ZMYND19: variants seen among roughly 807,000 people sequenced by gnomAD.
ZMYND19 encodes zinc finger MYND domain-containing protein 19.
In ZMYND19, 17 loss-of-function variants were observed where a neutral mutation model predicts 32.0. That is an observed-to-expected ratio of 0.53 (90% CI 0.36 to 0.80). ZMYND19 has a LOEUF of 0.80. Ranked by LOEUF, ZMYND19 falls within the 30% of genes least tolerant of loss-of-function variation. The pLI is 0.00. For synonymous variants in ZMYND19, 124 were observed against 113.6 expected (o/e 1.09, Z -0.58); for missense variants, 250 against 293.6 (o/e 0.85, Z 1.09).
In ZMYND19 at chr9:137,590,150, C is replaced by CCGGCCCCGGCCCT; in HGVS notation, c.51+62_51+63insAGGGCCGGGGCCG. The CCGGCCCCGGCCCT allele has an allele frequency of 2.0e-6, 2 of 993,810 alleles. No homozygotes were observed. Among genetic ancestry groups the CCGGCCCCGGCCCT allele is most frequent in the African/African-American group, 1.8e-5 (1 of 56,848 alleles). The allele number at this position is 993,810 out of a possible 1,614,324, so 61.6% of individuals were successfully genotyped here. Reference sequence around the variant, plus strand: ...CCGGCCGCCGCCCGCACAACCGCCCCCGGCCCCGCGCGGAGGCCTGGACGG... The same window carrying CCGGCCCCGGCCCT: ...CCGGCCGCCGCCCGCACAACCGCCCCCGGCCCCGGCCCTCGGCCCCGCGCGGAGGCCTGGACGG... On this transcript the variant is annotated intron_variant, in intron 1 of 5. Transcript: ENST00000298585. The surrounding 1 kb of genome is among the most constrained non-coding windows in gnomAD (Gnocchi z 4.2).
chr9:137,583,336 T>C (rs1169187696), intron 4 of ZMYND19, among the ~76,000 whole-genome samples, 173 bp from the exon 5 acceptor site: 1 of 151,704 alleles, frequency 6.6e-6, no homozygotes, highest in East Asian at 1.9e-4. Context: ...CAGTAAATAT[T>C]GTGTCTCATC....
chr9:137,583,270 C>A, intron 4 of ZMYND19, 107 bp from the exon 5 acceptor site: 1 of 1,290,706 alleles, frequency 7.7e-7, no homozygotes, highest in South Asian at 1.4e-5. Context: ...GGACACCCAG[C>A]CCGAGTTTGA....
intron 1 of ZMYND19, chr9:137,589,624 T>TGA (rs1269094431): frequency 1.0e-6 from 1 of 985,344 alleles, no homozygotes; most frequent in Non-Finnish European, 1.2e-6. Context: ...AGGAAGGCCC[T>TGA]GAGTCTGCAG....
At position 137,583,120 on chromosome 9, in the gene ZMYND19, C is replaced by G. The variant is rs759171181; in HGVS notation, c.403G>C (p.Asp135His). 4 of 1,614,094 alleles carry G rather than the reference C, an allele frequency of 2.5e-6. No homozygotes were observed. The highest frequency in any genetic ancestry group is 3.4e-6 in the Non-Finnish European group (4 of 1,180,012). Residue 135 changes from aspartate (D) to histidine (H), a missense_variant, in exon 5 of 6, where the codon GAC (aspartate) becomes CAC (histidine). Asp to His is a moderately conservative substitution (Grantham distance 81). This residue lies in a region of ZMYND19 where 212 missense variants were observed against 218.8 expected (regional missense o/e 0.97). Transcript: ENST00000298585. ...YWLAIQQLPTDPIEEQFPVLN... is the reference protein window; with the variant it reads ...YWLAIQQLPTHPIEEQFPVLN... ...ACAGGAAACTGTTCTTCTATAGGGTCTGTAGGCAGCTGCTGAATTGCAAGC... is the reference window on the plus strand; with the variant it reads ...ACAGGAAACTGTTCTTCTATAGGGTGTGTAGGCAGCTGCTGAATTGCAAGC...
chr9:137,585,093 C>T (rs1346641751), intron 4 of ZMYND19, among the ~76,000 whole-genome samples: 2 of 152,080 alleles, frequency 1.3e-5, no homozygotes, highest in Non-Finnish European at 2.9e-5. Flanking sequence ...AAGGACCGGG[C>T]GTGGTGGTGC....
intron 4 of ZMYND19, 92 bp downstream of exon 4, chr9:137,586,875 G>C (rs751761246): frequency 1.7e-5 from 26 of 1,543,712 alleles, no homozygotes; most frequent in Non-Finnish European, 2.2e-5. Flanking sequence ...CTCAGAGGAG[G>C]AACAGGAGAC....
At chr9:137,585,739 T>G (rs542067285) in intron 4 of ZMYND19, among the ~76,000 whole-genome samples, 1 of 152,188 alleles carries the variant, frequency 6.6e-6, no homozygotes, top group Non-Finnish European at 1.5e-5. Context: ...GTGCTCCCAC[T>G]GTTTCCACCT....
chr9:137,589,324 G>C, intron 1 of ZMYND19: 1 of 985,130 alleles, frequency 1.0e-6, no homozygotes, highest in Non-Finnish European at 1.2e-6. Context: ...TTGCAGCAGG[G>C]GCAGGAAACA....
At chr9:137,588,990 C>T in intron 1 of ZMYND19, 1 of 464,710 alleles carries the variant, frequency 2.2e-6, no homozygotes, top group Non-Finnish European at 3.9e-6. Context: ...TTCATCCTCG[C>T]AGGGCTAACC....
At chr9:137,584,539 C>T (rs993545785) in intron 4 of ZMYND19, among the ~76,000 whole-genome samples, 4 of 152,194 alleles carry the variant, frequency 2.6e-5, no homozygotes, top group African/African-American at 9.7e-5. Flanking sequence ...CGCACCATGG[C>T]AGGGACAGAA....
In ZMYND19 at chr9:137,589,967, G is replaced by A. The variant is rs1043875658; in HGVS notation, c.51+246C>T. 6.1e-6 allele frequency: 6 copies of A among 985,136 alleles called. No individual in the cohort carries two copies. In the African/African-American group the frequency reaches 1.0e-4, roughly 17 times the overall value. 61.0% of individuals were successfully genotyped at this position (985,136 alleles called of 1,614,324 possible). On this transcript the variant is annotated intron_variant, in intron 1 of 5. Coordinates refer to ENST00000298585, the MANE Select transcript of ZMYND19 (RefSeq NM_138462.3). ...GGACAGGGCCGTGGCCTCCACCTCC[G>A]GCAGGGCAGGGCCGAGGGTGGCCAG...
chr9:137,583,228 T>A lies in ZMYND19; in HGVS notation c.360-65A>T, dbSNP rs530923874. ...AACGGGGCCAGCACACAGCAGACGATGCAATGACTCCATAGAGTGCCATCC... is the reference window on the plus strand; with the variant it reads ...AACGGGGCCAGCACACAGCAGACGAAGCAATGACTCCATAGAGTGCCATCC... On this transcript the variant is annotated intron_variant, in intron 4 of 5. Coordinates refer to ENST00000298585, the MANE Select transcript of ZMYND19 (RefSeq NM_138462.3). The A allele has an allele frequency of 6.6e-5, 103 of 1,560,758 alleles. No homozygotes were observed. In the South Asian group the frequency reaches 1.1e-3, roughly 17 times the overall value.
chr9:137,588,102 A>G (rs1306863188), intron 2 of ZMYND19, among the ~76,000 whole-genome samples: 1 of 152,242 alleles, frequency 6.6e-6, no homozygotes, highest in East Asian at 1.9e-4. Context: ...CCTTAAAAAA[A>G]GCCCACGGTG....
intron 3 of ZMYND19, 199 bp from the exon 4 acceptor site, chr9:137,587,306 C>A (rs1842216751): frequency 2.3e-6 from 2 of 875,734 alleles, no homozygotes; most frequent in South Asian, 3.6e-5. Context: ...GTGGCCCAAA[C>A]AGGACAGGGA....
chr9:137,582,272 C>G lies in ZMYND19; in HGVS notation c.*271G>C, dbSNP rs374326002. On this transcript the variant is annotated 3_prime_UTR_variant, in exon 6 of 6. Transcript: ENST00000298585. ...TTTCTACCCTTCCCATTGCCTCCCC[C>G]CCAAAAAAAACTGTACATGAGTTTA... 11 of 349,024 alleles carry G rather than the reference C, an allele frequency of 3.2e-5. No individual in the cohort carries two copies. The highest frequency in any genetic ancestry group is 7.6e-4 in the Middle Eastern group (1 of 1,316). 21.6% of individuals were successfully genotyped at this position (349,024 alleles called of 1,614,324 possible).
In ZMYND19 at chr9:137,582,816, G is replaced by T; in HGVS notation, c.541-130C>A. 2.0e-6 allele frequency: 3 copies of T among 1,507,384 alleles called. No homozygotes were observed. In the South Asian group the frequency reaches 3.8e-5, roughly 19 times the overall value. The allele number at this position is 1,507,384 out of a possible 1,614,324, so 93.4% of individuals were successfully genotyped here. A position where few individuals can be genotyped will look rare whatever the true frequency, so the allele number is the denominator to read the frequency against. On this transcript the variant is annotated intron_variant, in intron 5 of 5. Coordinates refer to ENST00000298585, the MANE Select transcript of ZMYND19 (RefSeq NM_138462.3). The stretch of plus-strand genomic sequence containing the variant: ...ACCAAGGCTGGAGGGCCTGGGCCCT[G>T]GTCAGGCCAGCACAAGGGCAAAGGG...
intron 3 of ZMYND19, 122 bp from the exon 4 acceptor site, chr9:137,587,229 G>A: frequency 9.5e-6 from 14 of 1,474,100 alleles, no homozygotes; most frequent in Non-Finnish European, 1.3e-5. Flanking sequence ...ATCTGATCGG[G>A]CCCCTGGTCC....
Position 137,588,717 on chromosome 9 carries a change from G to A in ZMYND19, c.53C>T (p.Thr18Ile). The A allele has an allele frequency of 6.2e-7, 1 of 1,614,174 alleles. No homozygotes were observed. Among genetic ancestry groups the A allele is most frequent in the Non-Finnish European group, 8.5e-7 (1 of 1,180,000 alleles). Residue 18 changes from threonine to isoleucine, a missense_variant and splice_region_variant, in exon 2 of 6, where the codon ACC becomes ATC. Coordinates refer to ENST00000298585, the MANE Select transcript of ZMYND19 (RefSeq NM_138462.3). Reference protein sequence around the residue: ...IVRLGRVAGKTKYTLIDEQDI... With the variant: ...IVRLGRVAGKIKYTLIDEQDI... ...CTGCTCATCGATCAGCGTGTATTTG[G>A]TCTGGAAGTTAACCACATGTTTCAA...
intron 1 of ZMYND19, chr9:137,589,207 C>A (rs1842241286): frequency 1.5e-5 from 5 of 336,720 alleles, no homozygotes; most frequent in Non-Finnish European, 2.1e-5. Flanking sequence ...GATGACAATG[C>A]CATCATGGGT....
Sources: gnomAD v4.1 joint callset for allele counts (sites outside exome capture counted in the v4.1 genomes callset) on GRCh38, gnomAD v4.1.1 for gene constraint, gnomAD v4.1.1 regional missense constraint, Gnocchi (gnomAD v3.1) non-coding constraint, MANE v1.5 for transcripts, NCBI Gene and HGNC (gene_info 2026-07-23, HGNC 2026-07-21) for gene names.